The following CREM variants were observed in gnomAD, a reference collection of about 807,000 sequenced individuals.
CREM encodes cAMP-responsive element modulator.
A neutral mutation model predicts 37.3 loss-of-function variants in CREM; 13 were observed. That is an observed-to-expected ratio of 0.35 (90% CI 0.23 to 0.55). CREM has a LOEUF of 0.55. CREM is among the 20% of genes least tolerant of loss of function. The pLI is 0.88. For missense variants in CREM, 296 were observed against 362.3 expected, an observed-to-expected ratio of 0.82 and a Z score of 1.49; for synonymous variants, 124 against 120.2, an observed-to-expected ratio of 1.03 and a Z score of -0.21.
At chr10:35,147,051 T>TG (rs1242960349) in intron 2 of CREM, among the ~76,000 whole-genome samples, 1 of 71,672 alleles carries the variant, frequency 1.4e-5, no homozygotes, top group African/African-American at 3.7e-5. Flanking sequence ...GTTTTTTTTT[T>TG]TTTTTTTTTT....
intron 6 of CREM, among the ~76,000 whole-genome samples, chr10:35,202,546 G>A (rs536604599): frequency 6.6e-6 from 1 of 152,210 alleles, no homozygotes; most frequent in East Asian, 1.9e-4. Flanking sequence ...ATGAGCCACT[G>A]TGCACAGCTG....
At chr10:35,176,598 A>G (rs2094101911) in intron 3 of CREM, among the ~76,000 whole-genome samples, 7 of 151,424 alleles carry the variant, frequency 4.6e-5, no homozygotes, top group Admixed American at 3.9e-4. Context: ...TTTAGTAGAG[A>G]TGGGGTTTCA....
chr10:35,190,766 ATTC>A (rs1256262981), intron 6 of CREM, among the ~76,000 whole-genome samples: 3 of 151,918 alleles, frequency 2.0e-5, no homozygotes, highest in African/African-American at 7.3e-5. Context: ...GGTTCACGCC[ATTC>A]TTCTGCCTCA....
At chr10:35,132,773 A>G (rs1187809599) in intron 1 of CREM, among the ~76,000 whole-genome samples, 1 of 152,210 alleles carries the variant, frequency 6.6e-6, no homozygotes, top group Non-Finnish European at 1.5e-5. Flanking sequence ...ATCCCCGTCA[A>G]TTGCAGCTAT....
chr10:35,185,824 G>A (rs2094534249), intron 5 of CREM, among the ~76,000 whole-genome samples: 1 of 152,194 alleles, frequency 6.6e-6, no homozygotes, highest in African/African-American at 2.4e-5. Flanking sequence ...TGGCCTGTCA[G>A]TGAAATAAAA....
In CREM at chr10:35,137,824, A is replaced by C. The variant is rs374275378; in HGVS notation, c.-12A>C. On this transcript the variant is annotated 5_prime_UTR_variant, in exon 2 of 8. Transcript: ENST00000685392. ...GGAAAGGAGGAAAGCATTGATTACA[A>C]ATATCTTAACAATGAGCAAATGTGC... is the stretch of plus-strand genomic sequence containing the variant. 2.0e-5 allele frequency: 31 copies of C among 1,557,740 alleles called. No homozygotes were observed. Among genetic ancestry groups the C allele is most frequent in the Non-Finnish European group, 2.7e-5 (31 of 1,144,632 alleles).
chr10:35,196,050 G>T, intron 6 of CREM: 1 of 1,614,078 alleles, frequency 6.2e-7, no homozygotes, highest in African/African-American at 1.3e-5. Context: ...AACACGTCAT[G>T]AAACTGTAAT....
intron 3 of CREM, chr10:35,154,133 T>C (rs2092756029): frequency 7.5e-6 from 3 of 398,456 alleles, no homozygotes; most frequent in Non-Finnish European, 1.3e-5. Context: ...TAGGAACGAT[T>C]TAACAAGGGA....
chr10:35,179,392 C>T, intron 5 of CREM, 116 bp downstream of exon 5: 1 of 1,117,278 alleles, frequency 9.0e-7, no homozygotes. Context: ...ATCATTAATA[C>T]CTAAACTGTA....
At chr10:35,128,854 G>T (rs12252639) in intron 1 of CREM, among the ~76,000 whole-genome samples, 4,536 of 151,990 alleles carry the variant, frequency 0.03, 225 homozygotes, top group African/African-American at 0.1. Flanking sequence ...TCTTTTTTTG[G>T]ATAAACTTTC....
At chr10:35,181,465 G>T (rs536267697) in intron 5 of CREM, among the ~76,000 whole-genome samples, 4 of 152,128 alleles carry the variant, frequency 2.6e-5, no homozygotes, top group Non-Finnish European at 2.9e-5. Context: ...TGTGTCCTTG[G>T]TACCTGCTCA....
intron 6 of CREM, among the ~76,000 whole-genome samples, chr10:35,197,467 T>TATTTAA (rs71033383): frequency 6.8e-6 from 1 of 146,184 alleles, no homozygotes; most frequent in African/African-American, 2.6e-5. Context: ...TTTATTTATT[T>TATTTAA]TATGAGACGG....
In CREM at chr10:35,178,763, C is replaced by G. The variant is rs530341136; in HGVS notation, c.169-126C>G. On this transcript the variant is annotated intron_variant, in intron 3 of 7. Transcript: ENST00000685392. ...TCCTTCAGTGCAGATTCACTGTGTT[C>G]TATTGCTCAGTTGCTTCCACAGCTC... is the stretch of plus-strand genomic sequence containing the variant. 2.0e-5 allele frequency: 13 copies of G among 645,556 alleles called. No homozygotes were observed. In the African/African-American group the frequency reaches 2.4e-4, roughly 12 times the overall value. The allele number at this position is 645,556 out of a possible 1,614,324, so 40.0% of individuals were successfully genotyped here.
intron 2 of CREM, among the ~76,000 whole-genome samples, chr10:35,145,776 CAAAA>C: frequency 1.2e-5 from 1 of 85,232 alleles, no homozygotes; most frequent in South Asian, 4.8e-4. Flanking sequence ...GACTCTGCCT[CAAAA>C]AAAAAAAAAA....
chr10:35,183,598 C>G (rs1313594821), intron 5 of CREM, among the ~76,000 whole-genome samples: 2 of 152,152 alleles, frequency 1.3e-5, no homozygotes, highest in Non-Finnish European at 2.9e-5. Context: ...TATGGTCACT[C>G]TGAATTTAAA....
chr10:35,186,843 T>C (rs1431349976), intron 5 of CREM, among the ~76,000 whole-genome samples: 5 of 115,728 alleles, frequency 4.3e-5, no homozygotes, highest in Admixed American at 2.3e-4. Context: ...TAGGTATATA[T>C]ACGTATATAT....
chr10:35,138,171 CG>C (rs2090875752), intron 2 of CREM, among the ~76,000 whole-genome samples: 2 of 152,208 alleles, frequency 1.3e-5, no homozygotes, highest in South Asian at 4.1e-4. Flanking sequence ...TTGTAGAATT[CG>C]AAGAATCCCC....
chr10:35,133,118 T>C (rs2089752201), intron 1 of CREM, among the ~76,000 whole-genome samples: 1 of 152,106 alleles, frequency 6.6e-6, no homozygotes, highest in East Asian at 1.9e-4. Context: ...GGTTTTCTTA[T>C]TCTTTTTCTT....
chr10:35,166,557 T>G, intron 3 of CREM, among the ~76,000 whole-genome samples: 1 of 131,670 alleles, frequency 7.6e-6, no homozygotes. Context: ...AGAACAAGAG[T>G]CTGTATCAAA....
Sources: allele counts gnomAD v4.1 joint callset (sites outside exome capture counted in the v4.1 genomes callset), GRCh38; gene constraint gnomAD v4.1.1; transcripts MANE v1.5; gene names NCBI Gene and HGNC (gene_info 2026-07-23, HGNC 2026-07-21).